The following CACNA1C variants were observed in gnomAD, a reference collection of about 807,000 sequenced individuals.
CACNA1C encodes voltage-dependent L-type calcium channel subunit alpha-1C.
A neutral mutation model predicts 229.0 loss-of-function variants in CACNA1C; 30 were observed. The ratio of observed to expected loss-of-function variants is 0.13; its 90% CI spans 0.10 to 0.18. CACNA1C has a LOEUF of 0.18. Ranked by LOEUF, CACNA1C falls within the 10% of genes least tolerant of loss-of-function variation. CACNA1C has a pLI of 1.00. For missense variants in CACNA1C, 1,658 were observed against 2,845.0 expected (o/e 0.58, Z 9.49); for synonymous variants, 1,114 against 1,132.5 (o/e 0.98, Z 0.33).
intron 1 of CACNA1C, among the ~76,000 whole-genome samples, chr12:2,087,513 C>T (rs1425471306): frequency 6.6e-6 from 1 of 152,134 alleles, no homozygotes; most frequent in East Asian, 1.9e-4. Context: ...ATAATCTGTA[C>T]GTATATGTAG....
At chr12:1,986,733 A>G (rs1180407678) in intron 1 of CACNA1C, among the ~76,000 whole-genome samples, 1 of 152,028 alleles carries the variant, frequency 6.6e-6, no homozygotes, top group Non-Finnish European at 1.5e-5. Flanking sequence ...ATAAAAGAGG[A>G]AAGAATAAAG....
chr12:2,687,723 G>A (rs2097581094), intron 45 of CACNA1C, among the ~76,000 whole-genome samples: 1 of 152,140 alleles, frequency 6.6e-6, no homozygotes, highest in South Asian at 2.1e-4. Flanking sequence ...ATTTGTAGTA[G>A]AGACTGGGTT....
At chr12:2,682,799 G>C (rs1454810099) in intron 43 of CACNA1C, 121 bp downstream of exon 43, 5 of 759,364 alleles carry the variant, frequency 6.6e-6, no homozygotes, top group Non-Finnish European at 9.0e-6. Context: ...AGATCACAGA[G>C]AAAACATCTG....
chr12:2,345,760 T>G (rs1189673445), intron 3 of CACNA1C, among the ~76,000 whole-genome samples: 1 of 152,136 alleles, frequency 6.6e-6, no homozygotes, highest in Admixed American at 6.5e-5. Flanking sequence ...AATGATGACA[T>G]GGAGGTGACT....
intron 8 of CACNA1C, among the ~76,000 whole-genome samples, chr12:2,509,074 G>A (rs73046254): frequency 0.045 from 6,849 of 152,328 alleles, 169 homozygotes; most frequent in South Asian, 0.097. Flanking sequence ...CAGTTGGCAA[G>A]AGGCCCACGA....
chr12:2,208,501 G>A (rs1479168795), intron 3 of CACNA1C, among the ~76,000 whole-genome samples: 1 of 152,138 alleles, frequency 6.6e-6, no homozygotes, highest in African/African-American at 2.4e-5. Context: ...GCCGGCTGAG[G>A]GAGCTGGCAG....
intron 3 of CACNA1C, among the ~76,000 whole-genome samples, chr12:2,234,125 T>C (rs2066396546): frequency 6.6e-6 from 1 of 152,188 alleles, no homozygotes; most frequent in Non-Finnish European, 1.5e-5. Context: ...GCAAGGAGTG[T>C]TCTGCTGGAC....
chr12:2,390,060 G>T (rs1280959245), intron 3 of CACNA1C, among the ~76,000 whole-genome samples: 2 of 152,200 alleles, frequency 1.3e-5, no homozygotes, highest in Non-Finnish European at 2.9e-5. Context: ...CTGAATAGAA[G>T]TTGAGGGGTT....
intron 3 of CACNA1C, among the ~76,000 whole-genome samples, chr12:2,195,025 C>T (rs2097358908): frequency 6.6e-6 from 1 of 152,280 alleles, no homozygotes; most frequent in South Asian, 2.1e-4. Context: ...GGAATGTATT[C>T]TAATGTTGTC....
intron 20 of CACNA1C, among the ~76,000 whole-genome samples, chr12:2,596,717 C>T (rs986407107): frequency 1.3e-5 from 2 of 152,106 alleles, no homozygotes; most frequent in East Asian, 3.9e-4. Flanking sequence ...CTGTGCAGAC[C>T]TCACCTGAAG....
At chr12:2,075,336 T>A (rs1205598732) in intron 1 of CACNA1C, among the ~76,000 whole-genome samples, 2 of 152,200 alleles carry the variant, frequency 1.3e-5, no homozygotes, top group Non-Finnish European at 2.9e-5. Context: ...TGTCCCATAC[T>A]CTATCTTGTT....
chr12:2,120,700 A>T (rs2086291632), intron 3 of CACNA1C, among the ~76,000 whole-genome samples: 1 of 95,696 alleles, frequency 1.0e-5, no homozygotes, highest in African/African-American at 4.5e-5. Context: ...GTGTGTGTTT[A>T]GTAGCAAATC....
chr12:2,106,834 G>A (rs372085079), intron 1 of CACNA1C, among the ~76,000 whole-genome samples: 20,742 of 47,840 alleles, frequency 0.43, 5,080 homozygotes, highest in Non-Finnish European at 0.53. Context: ...TCAGCTGGGC[G>A]TCCTGAAGCC....
At position 2,423,263 on chromosome 12, in the gene CACNA1C, T is replaced by G. The variant is rs111828373; in HGVS notation, c.478-25713T>G. Reference sequence around the variant, plus strand: ...TTTTATAGTTGACAGAGCACTTGCATGTATCTGACCACAGTCACATGACTC... The same window carrying G: ...TTTTATAGTTGACAGAGCACTTGCAGGTATCTGACCACAGTCACATGACTC... On this transcript the variant is annotated intron_variant, in intron 3 of 46. Coordinates refer to ENST00000399655, the MANE Select transcript of CACNA1C (RefSeq NM_000719.7). 2.5e-3 allele frequency among the ~76,000 whole-genome samples: 388 copies of G among 152,292 alleles called. 2 individuals carry two copies. Among genetic ancestry groups the G allele is most frequent in the African/African-American group, 9.0e-3 (375 of 41,550 alleles).
chr12:2,513,594 G>T (rs900764148), intron 9 of CACNA1C, among the ~76,000 whole-genome samples: 4 of 152,204 alleles, frequency 2.6e-5, no homozygotes. Flanking sequence ...GGTTCACGTG[G>T]CCCCTTGTTG....
rs1376474547 is a variant in CACNA1C at position 2,305,746 on chromosome 12, G to A, written c.478-143230G>A. On this transcript the variant is annotated intron_variant, in intron 3 of 46. Coordinates refer to ENST00000399655, the MANE Select transcript of CACNA1C (RefSeq NM_000719.7). ...TAATCCCAGCTACTCAGAAGGCTGA[G>A]GCCAGAGGATCACTTGAACCTAGAA... Among the ~76,000 whole-genome samples, 3 of 152,188 alleles carry A rather than the reference G, an allele frequency of 2.0e-5. No individual in the cohort carries two copies. In the East Asian group the frequency reaches 5.8e-4, roughly 29 times the overall value.
At chr12:2,331,127 T>C (rs995554395) in intron 3 of CACNA1C, among the ~76,000 whole-genome samples, 2 of 152,210 alleles carry the variant, frequency 1.3e-5, no homozygotes, top group Admixed American at 6.5e-5. Context: ...AGGAGCCGTA[T>C]GATACCCTAA....
Position 2,108,591 on chromosome 12 carries a change from C to T in CACNA1C, c.50-6633C>T, listed in dbSNP as rs913445160. Among the ~76,000 whole-genome samples, 7 of 152,206 alleles carry T rather than the reference C, an allele frequency of 4.6e-5. No homozygotes were observed. Among genetic ancestry groups the T allele is most frequent in the East Asian group, 3.8e-4 (2 of 5,200 alleles). On this transcript the variant is annotated intron_variant, in intron 1 of 46. Coordinates refer to ENST00000399655, the MANE Select transcript of CACNA1C (RefSeq NM_000719.7). The surrounding 1 kb of genome is among the most constrained non-coding windows in gnomAD (Gnocchi z 5.3). ...TAGCCCTCTGGCCCCTGCAGTCCAGCGGGGCACCGTAGGAGGAGGGTGGAA... is the reference window on the plus strand; with the variant it reads ...TAGCCCTCTGGCCCCTGCAGTCCAGTGGGGCACCGTAGGAGGAGGGTGGAA...
rs1020585149 is a variant in CACNA1C at position 2,319,867 on chromosome 12, C to G, written c.478-129109C>G. 1.2e-4 allele frequency among the ~76,000 whole-genome samples: 18 copies of G among 152,078 alleles called. No individual in the cohort carries two copies. The highest frequency in any genetic ancestry group is 1.3e-4 in the Non-Finnish European group (9 of 68,008). On this transcript the variant is annotated intron_variant, in intron 3 of 46. Coordinates refer to ENST00000399655, the MANE Select transcript of CACNA1C (RefSeq NM_000719.7). This position sits in a 1 kb window ranked among gnomAD's most constrained non-coding sequence, Gnocchi z 4.0. ...GGGCCCCCAGACATTTCACTTCATT[C>G]CTTAGGTGTGAGTCATGTTCACATT...
Sources: gnomAD v4.1 joint callset for allele counts (sites outside exome capture counted in the v4.1 genomes callset) on GRCh38, gnomAD v4.1.1 for gene constraint, Gnocchi (gnomAD v3.1) non-coding constraint, MANE v1.5 for transcripts, NCBI Gene and HGNC (gene_info 2026-07-23, HGNC 2026-07-21) for gene names.